The following HIVEP3 variants were observed in gnomAD, a reference collection of about 807,000 sequenced individuals.
HIVEP3 encodes HIVEP zinc finger 3, also known as transcription factor HIVEP3.
In HIVEP3, 49 loss-of-function variants were observed where a neutral mutation model predicts 152.8. That is an observed-to-expected ratio of 0.32 (90% CI 0.26 to 0.41). The LOEUF (loss-of-function observed/expected upper bound fraction) is 0.41. Ranked by LOEUF, HIVEP3 falls within the 10% of genes least tolerant of loss-of-function variation. The pLI, the probability that HIVEP3 is intolerant of heterozygous loss-of-function variation, is 1.00. For synonymous variants in HIVEP3, 1,269 were observed against 1,289.0 expected (o/e 0.98, Z 0.33); for missense variants, 2,790 against 3,103.3 (o/e 0.90, Z 2.40).
At position 41,581,497 on chromosome 1, in the gene HIVEP3, C is replaced by T. The variant is rs371344533; in HGVS notation, c.3301G>A (p.Gly1101Ser). The T allele has an allele frequency of 7.5e-5, 118 of 1,575,922 alleles. No individual in the cohort carries two copies. The highest frequency in any genetic ancestry group is 9.1e-5 in the Non-Finnish European group (106 of 1,161,830). Residue 1101 changes from glycine (G) to serine (S), a missense_variant, in exon 4 of 9, where the codon GGC becomes AGC. Gly to Ser is a moderately conservative substitution (Grantham distance 56). This residue lies in a region of HIVEP3 where 1,078 missense variants were observed against 1,165.3 expected (regional missense o/e 0.93). Transcript: ENST00000372583. The surrounding 1 kb of genome is among the most constrained non-coding windows in gnomAD (Gnocchi z 4.5). ...AATSHGGPPGGKGPGQDRPPL... is the reference protein window; with the variant it reads ...AATSHGGPPGSKGPGQDRPPL... ...GGCCTGTCCTGCCCTGGGCCCTTGC[C>T]TCCCGGGGGTCCACCATGTGAGGTG...
chr1:41,971,289 G>A (rs1004332458), intron 1 of HIVEP3, among the ~76,000 whole-genome samples: 2 of 152,128 alleles, frequency 1.3e-5, no homozygotes, highest in Non-Finnish European at 2.9e-5. Flanking sequence ...GATTGGGGAG[G>A]GGGTCAGAAA....
At chr1:41,880,202 G>A (rs1266892128) in intron 1 of HIVEP3, among the ~76,000 whole-genome samples, 1 of 152,054 alleles carries the variant, frequency 6.6e-6, no homozygotes, top group Non-Finnish European at 1.5e-5. Context: ...TGGGACCATA[G>A]GCATGCCACC....
intron 3 of HIVEP3, among the ~76,000 whole-genome samples, chr1:41,602,039 T>C (rs1024514925): frequency 2.0e-5 from 3 of 151,586 alleles, no homozygotes; most frequent in African/African-American, 4.9e-5. Context: ...ATGTGATGTA[T>C]AACATTAATT....
In HIVEP3 at chr1:41,584,935, T is replaced by C; in HGVS notation, c.-138A>G. On this transcript the variant is annotated 5_prime_UTR_variant, in exon 4 of 9. Coordinates refer to ENST00000372583, the MANE Select transcript of HIVEP3 (RefSeq NM_024503.5). This position sits in a 1 kb window ranked among gnomAD's most constrained non-coding sequence, Gnocchi z 5.2. ...TGTGGGAGCCAAACCCAAGACGGCT[T>C]TGGGAGTTTTTTGCAAGTGTCACTG... The C allele has an allele frequency of 1.3e-6, 1 of 768,786 alleles. No individual in the cohort carries two copies. The highest frequency in any genetic ancestry group is 1.9e-6 in the Non-Finnish European group (1 of 532,984). The allele number at this position is 768,786 out of a possible 1,614,324, so 47.6% of individuals were successfully genotyped here. A position where few individuals can be genotyped will look rare whatever the true frequency, so the allele number is the denominator to read the frequency against.
intron 1 of HIVEP3, among the ~76,000 whole-genome samples, chr1:41,784,634 G>C (rs1262712479): frequency 1.3e-5 from 2 of 152,206 alleles, no homozygotes; most frequent in African/African-American, 4.8e-5. Context: ...ACTGTGAGGG[G>C]CTGGGGCAGG....
intron 1 of HIVEP3, among the ~76,000 whole-genome samples, chr1:41,892,189 T>G (rs75578698): frequency 0.017 from 2,529 of 152,308 alleles, 75 homozygotes; most frequent in African/African-American, 0.059. Context: ...TCTCTTTAAA[T>G]GAGTCCAAAC....
rs369790925 is a variant in HIVEP3 at position 41,603,963 on chromosome 1, T to C, written c.-521-18645A>G. Among the ~76,000 whole-genome samples the C allele has an allele frequency of 1.2e-4, 19 of 152,332 alleles. No homozygotes were observed. The East Asian group carries it at 3.3e-3, about 26-fold the overall frequency. The stretch of plus-strand genomic sequence containing the variant: ...ACAATGCTCAATACAATTTTGTCAT[T>C]AGGGAAATGTTAATTAAATCTACAA... On this transcript the variant is annotated intron_variant, in intron 3 of 8. Coordinates refer to ENST00000372583, the MANE Select transcript of HIVEP3 (RefSeq NM_024503.5).
chr1:41,897,933 G>C (rs1417671196), intron 1 of HIVEP3, among the ~76,000 whole-genome samples: 1 of 109,188 alleles, frequency 9.2e-6, no homozygotes, highest in Non-Finnish European at 1.8e-5. Context: ...AGACCTGAGA[G>C]AGAGGGAGAG....
At chr1:41,554,975 G>T (rs1569885886) in intron 5 of HIVEP3, among the ~76,000 whole-genome samples, 1 of 152,224 alleles carries the variant, frequency 6.6e-6, no homozygotes, top group East Asian at 1.9e-4. Context: ...GAGGCAGTCT[G>T]TCTGTTCTCG....
intron 1 of HIVEP3, among the ~76,000 whole-genome samples, chr1:42,023,084 G>C (rs1040011196): frequency 6.6e-6 from 1 of 152,120 alleles, no homozygotes; most frequent in Non-Finnish European, 1.5e-5. Flanking sequence ...AGGCTGGAGT[G>C]CAACCTCCAC....
chr1:41,525,062 G>T (rs1558025910), intron 5 of HIVEP3, 152 bp from the exon 6 acceptor site: 1 of 720,754 alleles, frequency 1.4e-6, no homozygotes, highest in East Asian at 2.7e-5. Context: ...GAGAGTGGGA[G>T]GAACTGAGTC....
At chr1:41,960,979 T>A (rs1177185475) in intron 1 of HIVEP3, among the ~76,000 whole-genome samples, 1 of 152,184 alleles carries the variant, frequency 6.6e-6, no homozygotes, top group Non-Finnish European at 1.5e-5. Context: ...CTCTTCCCCA[T>A]GAAAGTGAGC....
At chr1:41,603,852 G>A (rs1346849487) in intron 3 of HIVEP3, among the ~76,000 whole-genome samples, 1 of 152,202 alleles carries the variant, frequency 6.6e-6, no homozygotes, top group Non-Finnish European at 1.5e-5. Context: ...TTGGTCTATA[G>A]TGTTGTTCGA....
At chr1:41,750,802 G>A (rs1437059543) in intron 1 of HIVEP3, among the ~76,000 whole-genome samples, 6 of 151,736 alleles carry the variant, frequency 4.0e-5, no homozygotes, top group African/African-American at 1.5e-4. Flanking sequence ...GGATTCAAGT[G>A]ATTCTCCTGC....
At chr1:41,568,849 C>T (rs573835244) in intron 5 of HIVEP3, among the ~76,000 whole-genome samples, 1 of 152,264 alleles carries the variant, frequency 6.6e-6, no homozygotes, top group South Asian at 2.1e-4. Flanking sequence ...TGTCCCTGCC[C>T]AAATCTCATG....
At chr1:41,599,258 T>A (rs1644711669) in intron 3 of HIVEP3, among the ~76,000 whole-genome samples, 1 of 151,940 alleles carries the variant, frequency 6.6e-6, no homozygotes, top group African/African-American at 2.4e-5. Context: ...AAAACGAATG[T>A]GAAATGAATA....
At position 41,583,284 on chromosome 1, in the gene HIVEP3, T is replaced by C. The variant is rs1310997417; in HGVS notation, c.1514A>G (p.Tyr505Cys). Residue 505 changes from tyrosine (Y) to cysteine (C), a missense_variant, in exon 4 of 9, where the codon TAC becomes TGC. By Grantham distance (194) the Tyr-to-Cys change is radical (BLOSUM62 -2). Coordinates refer to ENST00000372583, the MANE Select transcript of HIVEP3 (RefSeq NM_024503.5). This position sits in a 1 kb window ranked among gnomAD's most constrained non-coding sequence, Gnocchi z 6.9. ...ACTGTGGGATGACAGGGGCTCCCGG[T>C]AGAGGCTGGATTTTGGGGACTCCAT... is the stretch of plus-strand genomic sequence containing the variant. ...SSMESPKSSL[Y>C]REPLSSHSEK... 3 of 1,613,074 alleles carry C rather than the reference T, an allele frequency of 1.9e-6. No individual in the cohort carries two copies. In the Admixed American group the frequency reaches 5.0e-5, roughly 27 times the overall value.
rs187143437 is a variant in HIVEP3 at position 41,865,033 on chromosome 1, T to C, written c.-801+53380A>G. On this transcript the variant is annotated intron_variant, in intron 1 of 8. Transcript: ENST00000372583. ...GTTAAACAGCAAGGGTGAAGGAGCTTGTCATAAAGTACACAAACCATCCCA... is the reference window on the plus strand; with the variant it reads ...GTTAAACAGCAAGGGTGAAGGAGCTCGTCATAAAGTACACAAACCATCCCA... Among the ~76,000 whole-genome samples, 205 of 152,350 alleles carry C rather than the reference T, an allele frequency of 1.3e-3. 2 individuals carry two copies. Among genetic ancestry groups the C allele is most frequent in the African/African-American group, 4.5e-3 (187 of 41,574 alleles).
At chr1:41,954,585 C>A (rs1416149612) in intron 1 of HIVEP3, among the ~76,000 whole-genome samples, 1 of 152,260 alleles carries the variant, frequency 6.6e-6, no homozygotes, top group African/African-American at 2.4e-5. Context: ...GGCCCTATGT[C>A]TCTGAGCAGG....
Sources: gnomAD v4.1 joint callset for allele counts (sites outside exome capture counted in the v4.1 genomes callset) on GRCh38, gnomAD v4.1.1 for gene constraint, gnomAD v4.1.1 regional missense constraint, Gnocchi (gnomAD v3.1) non-coding constraint, MANE v1.5 for transcripts, NCBI Gene and HGNC (gene_info 2026-07-23, HGNC 2026-07-21) for gene names.